Variants in ENTREP2 observed in about 807,000 individuals in gnomAD.
ENTREP2 encodes the protein endosomal transmembrane epsin interactor 2, also known as protein ENTREP2.
the ENTREP2 span, among the ~76,000 whole-genome samples, chr15:29,160,830 TTCTC>T: frequency 6.6e-6 from 1 of 152,102 alleles, no homozygotes; most frequent in Non-Finnish European, 1.5e-5. Context: ...TTCCTATGTC[TTCTC>T]TCTTTGAATA....
the ENTREP2 span, chr15:29,614,228 C>A: frequency 6.4e-6 from 1 of 157,260 alleles, no homozygotes; most frequent in Non-Finnish European, 1.4e-5. Flanking sequence ...ATGGAGTTCG[C>A]TGAGGCCGAG....
the ENTREP2 span, among the ~76,000 whole-genome samples, chr15:29,347,198 A>C: frequency 1.3e-5 from 2 of 151,910 alleles, no homozygotes; most frequent in Admixed American, 6.6e-5. Flanking sequence ...TTTTTGAGAC[A>C]AGATCTTGCT....
chr15:29,572,205 CAG>C, the ENTREP2 span, among the ~76,000 whole-genome samples: 2 of 152,186 alleles, frequency 1.3e-5, no homozygotes, highest in Admixed American at 6.5e-5. Flanking sequence ...AAGGGATGAA[CAG>C]GGGGTAGGGA....
the ENTREP2 span, among the ~76,000 whole-genome samples, chr15:29,657,377 G>C: frequency 2.7e-5 from 4 of 149,806 alleles, no homozygotes; most frequent in East Asian, 7.9e-4. Context: ...TCTTACAAAT[G>C]GCACGGACCC....
At chr15:29,633,587 C>T in the ENTREP2 span, among the ~76,000 whole-genome samples, 3 of 152,042 alleles carry the variant, frequency 2.0e-5, no homozygotes, top group Non-Finnish European at 4.4e-5. Flanking sequence ...AGATCAGCTT[C>T]AATCAGTTCA....
the ENTREP2 span, among the ~76,000 whole-genome samples, chr15:29,290,682 T>C: frequency 6.6e-6 from 1 of 152,200 alleles, no homozygotes; most frequent in African/African-American, 2.4e-5. Flanking sequence ...GAAACACAAA[T>C]GCTGACTGAT....
At chr15:29,602,172 C>A in the ENTREP2 span, among the ~76,000 whole-genome samples, 619 of 152,304 alleles carry the variant, frequency 4.1e-3, 7 homozygotes, top group African/African-American at 0.014. Context: ...CAGTGTAAGC[C>A]CCATGAGGGC....
chr15:29,122,130 G>A, the ENTREP2 span: 1 of 152,236 alleles, frequency 6.6e-6, no homozygotes, highest in African/African-American at 2.4e-5. Context: ...CAGGGGCTGT[G>A]GCTGCTAGTG....
the ENTREP2 span, among the ~76,000 whole-genome samples, chr15:29,578,775 T>C: frequency 6.6e-6 from 1 of 152,030 alleles, no homozygotes. Flanking sequence ...TGGTATTCAA[T>C]TACTATTTAT....
chr15:29,656,040 A>T, the ENTREP2 span, among the ~76,000 whole-genome samples: 1 of 151,486 alleles, frequency 6.6e-6, no homozygotes, highest in African/African-American at 2.4e-5. Flanking sequence ...AAAAAAAAAA[A>T]AAACAACTAT....
chr15:29,527,958 C>A, the ENTREP2 span, among the ~76,000 whole-genome samples: 1 of 152,072 alleles, frequency 6.6e-6, no homozygotes, highest in Non-Finnish European at 1.5e-5. Context: ...CAGCAACACA[C>A]CAGTGCACCA....
chr15:29,440,766 T>C, the ENTREP2 span, among the ~76,000 whole-genome samples: 1 of 152,234 alleles, frequency 6.6e-6, no homozygotes, highest in South Asian at 2.1e-4. Context: ...TCTCCCTCCT[T>C]TTCCTGAATC....
chr15:29,169,215 C>T, the ENTREP2 span, among the ~76,000 whole-genome samples: 2 of 152,158 alleles, frequency 1.3e-5, no homozygotes, highest in East Asian at 1.9e-4. Context: ...TAATGAGCCT[C>T]TAGCTTTAAA....
chr15:29,185,768 G>C, the ENTREP2 span, among the ~76,000 whole-genome samples: 1 of 152,024 alleles, frequency 6.6e-6, no homozygotes, highest in Non-Finnish European at 1.5e-5. Flanking sequence ...TGCCGTGTTG[G>C]CCAGGCTGGT....
At chr15:29,438,924 C>A in the ENTREP2 span, among the ~76,000 whole-genome samples, 1 of 152,092 alleles carries the variant, frequency 6.6e-6, no homozygotes, top group African/African-American at 2.4e-5. Context: ...CCAGAGGCAA[C>A]AGGAACTTAA....
chr15:29,407,920 T>C, the ENTREP2 span, among the ~76,000 whole-genome samples: 2 of 152,154 alleles, frequency 1.3e-5, no homozygotes, highest in Admixed American at 6.5e-5. Flanking sequence ...CTCCAGGTGA[T>C]CCACCCACCT....
chr15:29,640,611 C>A, the ENTREP2 span, among the ~76,000 whole-genome samples: 1 of 149,874 alleles, frequency 6.7e-6, no homozygotes, highest in Non-Finnish European at 1.5e-5. Context: ...TGCAGTGAGA[C>A]TGCACTCCAG....
the ENTREP2 span, among the ~76,000 whole-genome samples, chr15:29,251,396 G>A: frequency 2.0e-5 from 3 of 152,178 alleles, no homozygotes; most frequent in East Asian, 1.9e-4. Context: ...TGAAATGATC[G>A]TTCTATCCAA....
At chr15:29,546,758 G>A in the ENTREP2 span, among the ~76,000 whole-genome samples, 1 of 151,646 alleles carries the variant, frequency 6.6e-6, no homozygotes, top group African/African-American at 2.4e-5. Context: ...GTGGTGGTGG[G>A]CACCTGTAGT....
Sources: allele counts gnomAD v4.1 joint callset (sites outside exome capture counted in the v4.1 genomes callset), GRCh38; gene constraint gnomAD v4.1.1; transcripts MANE v1.5; gene names NCBI Gene and HGNC (gene_info 2026-07-23, HGNC 2026-07-21).